The following USP4 variants were observed in gnomAD, a reference collection of about 807,000 sequenced individuals.
USP4 encodes ubiquitin carboxyl-terminal hydrolase 4.
In USP4, 72 loss-of-function variants were observed where a neutral mutation model predicts 118.2. The observed-to-expected ratio is 0.61, with a 90% CI of 0.50 to 0.74. The LOEUF (loss-of-function observed/expected upper bound fraction) is 0.74. USP4 is among the 30% of genes least tolerant of loss of function. The pLI is 0.00. For synonymous variants in USP4, 415 were observed against 440.4 expected (o/e 0.94, Z 0.72); for missense variants, 1,037 against 1,185.7 (o/e 0.87, Z 1.84).
intron 10 of USP4, 120 bp downstream of exon 10, chr3:49,302,264 A>T: frequency 9.0e-7 from 1 of 1,106,136 alleles, no homozygotes; most frequent in Non-Finnish European, 1.3e-6. Context: ...ATAACTAGCT[A>T]CAGTGAGAAG....
Position 49,339,997 on chromosome 3 carries a change from G to C in USP4, c.28C>G (p.Arg10Gly), listed in dbSNP as rs1167853026. 12 of 1,610,228 alleles carry C rather than the reference G, an allele frequency of 7.5e-6. No homozygotes were observed. The highest frequency in any genetic ancestry group is 9.3e-6 in the Non-Finnish European group (11 of 1,179,820). The change falls in exon 1 of 22, where the codon CGA (arginine) becomes GGA (glycine). Residue 10 changes from arginine to glycine, a missense_variant. Around this residue, in one of 3 missense-constraint regions of USP4, gnomAD observed 487 missense variants for 534.1 expected, o/e 0.91. Transcript: ENST00000265560. Reference sequence around the variant, plus strand: ...GACTTCTGAGTCTCCGCATCCGGTCGCTCACGGCAGCCTCCACCTTCCGCC... The same window carrying C: ...GACTTCTGAGTCTCCGCATCCGGTCCCTCACGGCAGCCTCCACCTTCCGCC... MAEGGGCRERPDAETQKSEL... is the reference protein window; with the variant it reads MAEGGGCREGPDAETQKSEL...
In USP4 at chr3:49,286,194, A is replaced by C. The variant is rs1035119359; in HGVS notation, c.2104T>G (p.Cys702Gly). Residue 702 changes from cysteine (C) to glycine (G), a missense_variant, in exon 16 of 22, where the codon TGC becomes GGC. Transcript: ENST00000265560. ...CTGAAGGTAAAAAGCCTTTTTGGGC[A>C]GGGCTGGCCTTTGATCTTCTTTTGG... Reference protein sequence around the residue: ...TTQKKIKGQPCPKRLFTFSLV... With the variant: ...TTQKKIKGQPGPKRLFTFSLV... 6.2e-7 allele frequency: 1 copy of C among 1,614,044 alleles called. No homozygotes were observed. Among genetic ancestry groups the C allele is most frequent in the African/African-American group, 1.3e-5 (1 of 74,924 alleles).
rs1336774979 is a variant in USP4 at position 49,310,651 on chromosome 3, C to G, written c.923G>C (p.Gly308Ala). ...QPGLCGLGNLGNTCFMNSALQ... is the reference protein window; with the variant it reads ...QPGLCGLGNLANTCFMNSALQ... ...AGCGGAGTTCATGAAGCAGGTGTTT[C>G]CCAGGTTTCCAAGTCCACAGAGCCC... The change falls in exon 8 of 22, where the codon GGA becomes GCA. Residue 308 changes from glycine to alanine, a missense_variant. Physicochemically the swap from Gly to Ala is moderately conservative, Grantham distance 60 (BLOSUM62 0). Around this residue, in one of 3 missense-constraint regions of USP4, gnomAD observed 487 missense variants for 534.1 expected, o/e 0.91. Transcript: ENST00000265560. 6.2e-7 allele frequency: 1 copy of G among 1,614,008 alleles called. No individual in the cohort carries two copies. Among genetic ancestry groups the G allele is most frequent in the Non-Finnish European group, 8.5e-7 (1 of 1,180,012 alleles).
chr3:49,278,849 T>A lies in USP4; in HGVS notation c.2698A>T (p.Ser900Cys). The A allele has an allele frequency of 6.2e-7, 1 of 1,613,280 alleles. No individual in the cohort carries two copies. Among genetic ancestry groups the A allele is most frequent in the Non-Finnish European group, 8.5e-7 (1 of 1,179,664 alleles). Reference protein sequence around the residue: ...LNGKWYYFDDSNVSLASEDQI... With the variant: ...LNGKWYYFDDCNVSLASEDQI... ...TCCTCAGAGGCCAGGGACACGTTGCTATCATCAAAGTAATACCATTTACCA... is the reference window on the plus strand; with the variant it reads ...TCCTCAGAGGCCAGGGACACGTTGCAATCATCAAAGTAATACCATTTACCA... The change falls in exon 21 of 22, where the codon AGC becomes TGC. Residue 900 changes from serine (S) to cysteine (C), a missense_variant. By Grantham distance (112) the Ser-to-Cys change is moderately radical. Around this residue, in one of 3 missense-constraint regions of USP4, gnomAD observed 522 missense variants for 592.6 expected, o/e 0.88. Transcript: ENST00000265560.
At chr3:49,308,388 T>C (rs1302227842) in intron 8 of USP4, among the ~76,000 whole-genome samples, 1 of 152,090 alleles carries the variant, frequency 6.6e-6, no homozygotes, top group Non-Finnish European at 1.5e-5. Flanking sequence ...GGCATGATCT[T>C]GGCTCATTGC....
chr3:49,281,401 A>C (rs1488001972), intron 19 of USP4, among the ~76,000 whole-genome samples: 1 of 151,592 alleles, frequency 6.6e-6, no homozygotes, highest in African/African-American at 2.4e-5. Flanking sequence ...GCTTGCAGTG[A>C]GCCAAGATCG....
At chr3:49,312,704 G>C (rs2047396945) in intron 6 of USP4, 1 of 310,570 alleles carries the variant, frequency 3.2e-6, no homozygotes, top group Non-Finnish European at 6.4e-6. Context: ...AGGGGCAGGA[G>C]AATTGCGTGA....
rs186236176 is a variant in USP4 at position 49,302,565 on chromosome 3, A to G, written c.1129-23T>C. On this transcript the variant is annotated intron_variant, in intron 9 of 21. Coordinates refer to ENST00000265560, the MANE Select transcript of USP4 (RefSeq NM_003363.4). ...AGTCTACAACAAAAGCAACTGTATC[A>G]GAAGGCATAATACGTAAAGAACTAG... is the stretch of plus-strand genomic sequence containing the variant. 3.1e-6 allele frequency: 5 copies of G among 1,609,134 alleles called. No homozygotes were observed. In the Admixed American group the frequency reaches 6.8e-5, roughly 22 times the overall value.
chr3:49,285,376 G>A (rs1252385272), intron 16 of USP4, among the ~76,000 whole-genome samples: 2 of 152,170 alleles, frequency 1.3e-5, no homozygotes, highest in Admixed American at 1.3e-4. Flanking sequence ...TAGCATAGGG[G>A]AGAGAGGGGA....
At chr3:49,308,804 G>C (rs1350500957) in intron 8 of USP4, among the ~76,000 whole-genome samples, 1 of 151,294 alleles carries the variant, frequency 6.6e-6, no homozygotes. Context: ...GAGGTGGGTG[G>C]ATCACCTGAG....
chr3:49,325,974 C>A, intron 3 of USP4, 129 bp from the exon 4 acceptor site: 1 of 1,187,030 alleles, frequency 8.4e-7, no homozygotes, highest in South Asian at 1.5e-5. Context: ...ATCAAGGGAT[C>A]AAAAGAACAG....
At position 49,310,716 on chromosome 3, in the gene USP4, C is replaced by T. The variant is rs758169677; in HGVS notation, c.858G>A (p.Ser286=). 6.2e-6 allele frequency: 10 copies of T among 1,613,958 alleles called. No homozygotes were observed. Among genetic ancestry groups the T allele is most frequent in the African/African-American group, 4.0e-5 (3 of 74,908 alleles). ...VSRGGSGFSA[S]YNCQEPPSSH... ...AGGATGGTGGCTCCTGACAATTATACGAAGCAGAAAAGCCAGATCCACTGG... is the reference window on the plus strand; with the variant it reads ...AGGATGGTGGCTCCTGACAATTATATGAAGCAGAAAAGCCAGATCCACTGG... The change falls in exon 8 of 22, where the codon TCG becomes TCA. Residue 286 remains serine (S), a synonymous_variant. Transcript: ENST00000265560.
intron 17 of USP4, 80 bp from the exon 18 acceptor site, chr3:49,284,664 C>T: frequency 1.5e-6 from 2 of 1,350,446 alleles, no homozygotes; most frequent in Admixed American, 1.8e-5. Flanking sequence ...AGAGGCTCTC[C>T]CACCTGGAAT....
chr3:49,294,151 AATTTTAT>A (rs1378619051), intron 14 of USP4, among the ~76,000 whole-genome samples: 1 of 152,016 alleles, frequency 6.6e-6, no homozygotes, highest in Non-Finnish European at 1.5e-5. Flanking sequence ...ATGCCTGGCT[AATTTTAT>A]ATTTTTAGTA....
chr3:49,300,811 T>C, intron 10 of USP4, 120 bp from the exon 11 acceptor site: 1 of 872,262 alleles, frequency 1.1e-6, no homozygotes, highest in South Asian at 1.7e-5. Flanking sequence ...GCCAAGAGCT[T>C]GATCCAGGAC....
At chr3:49,295,355 G>A (rs1400329136) in intron 13 of USP4, among the ~76,000 whole-genome samples, 2 of 116,242 alleles carry the variant, frequency 1.7e-5, no homozygotes, top group Non-Finnish European at 3.5e-5. Flanking sequence ...ACCAAATATT[G>A]TACAAAGATG....
chr3:49,317,238 G>T, intron 6 of USP4: 2 of 1,538,018 alleles, frequency 1.3e-6, no homozygotes, highest in South Asian at 2.3e-5. Flanking sequence ...AGAACTTACT[G>T]CAAGAGGCAA....
At chr3:49,311,731 T>C in intron 6 of USP4, 77 bp from the exon 7 acceptor site, 1 of 1,553,592 alleles carries the variant, frequency 6.4e-7, no homozygotes, top group Non-Finnish European at 8.7e-7. Flanking sequence ...AGGTTGCTTC[T>C]CAAGGAATAA....
At position 49,335,611 on chromosome 3, in the gene USP4, A is replaced by C. The variant is rs762126252; in HGVS notation, c.102-15T>G. On this transcript the variant is annotated splice_polypyrimidine_tract_variant and intron_variant, in intron 1 of 21. Coordinates refer to ENST00000265560, the MANE Select transcript of USP4 (RefSeq NM_003363.4). ...CAATAAGATACCTAGAGAGAGACAG[A>C]AATTTACTGTAGCAGAAAAGCTGAG... The C allele has an allele frequency of 6.2e-7, 1 of 1,613,204 alleles. No homozygotes were observed. Among genetic ancestry groups the C allele is most frequent in the South Asian group, 1.1e-5 (1 of 90,720 alleles).
Sources: allele counts gnomAD v4.1 joint callset (sites outside exome capture counted in the v4.1 genomes callset), GRCh38; gene constraint gnomAD v4.1.1; regional missense constraint gnomAD v4.1.1; transcripts MANE v1.5; gene names NCBI Gene and HGNC (gene_info 2026-07-23, HGNC 2026-07-21).